The following EXOC4 variants were observed in gnomAD, a reference collection of about 807,000 sequenced individuals.
EXOC4 encodes the protein exocyst complex component 4.
In EXOC4, 71 loss-of-function variants were observed where a neutral mutation model predicts 107.2. The observed-to-expected ratio is 0.66, with a 90% CI of 0.55 to 0.81. The LOEUF (loss-of-function observed/expected upper bound fraction) is 0.81. Ranked by LOEUF, EXOC4 falls within the 30% of genes least tolerant of loss-of-function variation. The probability of loss-of-function intolerance (pLI) is 0.00; values close to 1 mark genes in which losing one functional copy is unlikely to be tolerated. For synonymous variants in EXOC4, 456 were observed against 441.2 expected, an observed-to-expected ratio of 1.03 and a Z score of -0.42; for missense variants, 1,108 against 1,189.6, an observed-to-expected ratio of 0.93 and a Z score of 1.01.
chr7:133,260,035 AC>A (rs1795108006), intron 1 of EXOC4, among the ~76,000 whole-genome samples: 1 of 132,854 alleles, frequency 7.5e-6, no homozygotes, highest in South Asian at 2.4e-4. Flanking sequence ...TTTTTCCAGT[AC>A]TTTTTTTTTT....
intron 7 of EXOC4, 115 bp from the exon 8 acceptor site, chr7:133,475,213 A>C (rs1168210929): frequency 1.2e-6 from 1 of 856,822 alleles, no homozygotes; most frequent in Non-Finnish European, 1.8e-6. Flanking sequence ...GACCAGGTTA[A>C]TATACTCCTG....
At chr7:134,048,077 G>C (rs1795696926) in intron 17 of EXOC4, among the ~76,000 whole-genome samples, 1 of 152,208 alleles carries the variant, frequency 6.6e-6, no homozygotes, top group South Asian at 2.1e-4. Flanking sequence ...CTGTTCTCTT[G>C]CACTGAGACA....
chr7:133,633,424 A>C (rs1305184267), intron 10 of EXOC4, among the ~76,000 whole-genome samples: 4 of 152,158 alleles, frequency 2.6e-5, no homozygotes, highest in Non-Finnish European at 5.9e-5. Context: ...AGCTCATATT[A>C]AAAAATAAGT....
chr7:133,701,650 G>C (rs1794657784), intron 10 of EXOC4, among the ~76,000 whole-genome samples: 1 of 152,106 alleles, frequency 6.6e-6, no homozygotes, highest in South Asian at 2.1e-4. Flanking sequence ...ATAAAATGCA[G>C]GTTGAATATC....
At chr7:133,817,631 A>G in intron 11 of EXOC4, 87 bp downstream of exon 11, 1 of 957,988 alleles carries the variant, frequency 1.0e-6, no homozygotes. Context: ...AAGAATTACC[A>G]TCTGTTTCCA....
chr7:133,500,804 G>A (rs1028760366), intron 9 of EXOC4, among the ~76,000 whole-genome samples: 2 of 152,198 alleles, frequency 1.3e-5, no homozygotes, highest in Non-Finnish European at 2.9e-5. Context: ...TACTCTGGGT[G>A]TGTAGTGGTA....
chr7:133,492,558 A>G (rs764665451), intron 9 of EXOC4, among the ~76,000 whole-genome samples: 2 of 152,164 alleles, frequency 1.3e-5, no homozygotes, highest in Non-Finnish European at 2.9e-5. Flanking sequence ...GATTACTCAT[A>G]ACCATTCCTC....
intron 9 of EXOC4, among the ~76,000 whole-genome samples, chr7:133,544,588 G>T (rs1355698347): frequency 6.6e-6 from 1 of 151,882 alleles, no homozygotes; most frequent in Non-Finnish European, 1.5e-5. Context: ...TTTCTTCTGC[G>T]TTTTCACTGA....
intron 9 of EXOC4, among the ~76,000 whole-genome samples, chr7:133,581,899 G>A (rs571825472): frequency 4.6e-5 from 7 of 152,196 alleles, no homozygotes; most frequent in Non-Finnish European, 8.8e-5. Context: ...GGCGAAGAAG[G>A]CACGTCTTTT....
chr7:133,345,193 C>A (rs1446015681), intron 5 of EXOC4, among the ~76,000 whole-genome samples: 1 of 152,098 alleles, frequency 6.6e-6, no homozygotes, highest in Non-Finnish European at 1.5e-5. Flanking sequence ...ATTAAATTTG[C>A]ACATCTCTGA....
intron 17 of EXOC4, among the ~76,000 whole-genome samples, chr7:134,061,468 C>T (rs993229282): frequency 6.6e-6 from 1 of 152,136 alleles, no homozygotes; most frequent in Admixed American, 6.5e-5. Flanking sequence ...AAGCACATAT[C>T]TGGGGATGGG....
At chr7:133,687,445 A>C (rs888550539) in intron 10 of EXOC4, among the ~76,000 whole-genome samples, 6 of 152,070 alleles carry the variant, frequency 3.9e-5, no homozygotes, top group African/African-American at 1.4e-4. Context: ...AAGAAAAAAA[A>C]ACTGAAACTC....
At chr7:133,672,167 G>T (rs757335616) in intron 10 of EXOC4, among the ~76,000 whole-genome samples, 2 of 152,020 alleles carry the variant, frequency 1.3e-5, no homozygotes, top group Non-Finnish European at 2.9e-5. Flanking sequence ...CAAGACAGGC[G>T]GATCATGAGG....
intron 17 of EXOC4, among the ~76,000 whole-genome samples, chr7:134,019,179 C>G (rs1427521209): frequency 6.6e-6 from 1 of 152,198 alleles, no homozygotes. Context: ...ATCTGCCTGC[C>G]TCAGCCTCCC....
intron 11 of EXOC4, among the ~76,000 whole-genome samples, chr7:133,869,943 G>A (rs936501242): frequency 6.6e-6 from 1 of 152,198 alleles, no homozygotes; most frequent in African/African-American, 2.4e-5. Context: ...TGCTCTGCTA[G>A]GTAGGGTTGC....
intron 3 of EXOC4, chr7:133,290,875 G>A (rs1233750079): frequency 3.9e-5 from 6 of 152,178 alleles, no homozygotes; most frequent in African/African-American, 1.4e-4. Flanking sequence ...GAATAGGCAT[G>A]TATGTGGAAT....
At chr7:134,082,643 G>C in the EXOC4 span, among the ~76,000 whole-genome samples, 1 of 152,146 alleles carries the variant, frequency 6.6e-6, no homozygotes, top group Non-Finnish European at 1.5e-5. Context: ...GTTTCACCAT[G>C]TTGGCCAGGA....
intron 4 of EXOC4, among the ~76,000 whole-genome samples, chr7:133,307,705 T>A (rs898912844): frequency 2.0e-5 from 3 of 152,206 alleles, no homozygotes; most frequent in Non-Finnish European, 4.4e-5. Flanking sequence ...GGGCCTTGGC[T>A]TTTGCCATCA....
chr7:133,412,621 A>G (rs1293310303), intron 7 of EXOC4, among the ~76,000 whole-genome samples: 1 of 151,990 alleles, frequency 6.6e-6, no homozygotes, highest in Non-Finnish European at 1.5e-5. Flanking sequence ...AGTCTAGTTG[A>G]GTCCAGCCTG....
Sources: gnomAD v4.1 joint callset for allele counts (sites outside exome capture counted in the v4.1 genomes callset) on GRCh38, gnomAD v4.1.1 for gene constraint, MANE v1.5 for transcripts, NCBI Gene and HGNC (gene_info 2026-07-23, HGNC 2026-07-21) for gene names.